ASIC2: variants seen among roughly 807,000 people sequenced by gnomAD.
The protein encoded by ASIC2 is acid-sensing ion channel 2.
A neutral mutation model predicts 57.3 loss-of-function variants in ASIC2; 25 were observed. The ratio of observed to expected loss-of-function variants is 0.44; its 90% CI spans 0.32 to 0.61. ASIC2 has a LOEUF of 0.61. Among genes scored for constraint, ASIC2 ranks in the 20% least tolerant of loss-of-function variants. The pLI is 0.06. For missense variants in ASIC2, 641 were observed against 738.1 expected (o/e 0.87, Z 1.52); for synonymous variants, 319 against 307.5 (o/e 1.04, Z -0.39).
At chr17:34,093,826 C>T (rs1002117294) in intron 1 of ASIC2, among the ~76,000 whole-genome samples, 4 of 152,330 alleles carry the variant, frequency 2.6e-5, no homozygotes, top group Middle Eastern at 3.4e-3. Context: ...GACATCCAGT[C>T]TCTCCCACAT....
chr17:33,754,827 G>A lies in ASIC2; in HGVS notation c.555+401151C>T, dbSNP rs56152921. Among the ~76,000 whole-genome samples, 968 of 151,720 alleles carry A rather than the reference G, an allele frequency of 6.4e-3. 4 individuals carry two copies. The highest frequency in any genetic ancestry group is 0.02 in the Middle Eastern group (6 of 294). On this transcript the variant is annotated intron_variant, in intron 1 of 9. Transcript: ENST00000359872. Reference sequence around the variant, plus strand: ...AAAAAAGTTAGCCAGGCATGGTGGCGGGCACCTGTGGTCCCAGCTACTCAG... The same window carrying A: ...AAAAAAGTTAGCCAGGCATGGTGGCAGGCACCTGTGGTCCCAGCTACTCAG...
intron 1 of ASIC2, among the ~76,000 whole-genome samples, chr17:34,121,529 T>C (rs1029529281): frequency 7.2e-5 from 11 of 152,192 alleles, no homozygotes; most frequent in African/African-American, 1.7e-4. Context: ...CAAGTGTCCC[T>C]GCTACATATT....
At chr17:33,073,174 C>T (rs1448478450) in intron 3 of ASIC2, among the ~76,000 whole-genome samples, 1 of 152,192 alleles carries the variant, frequency 6.6e-6, no homozygotes. Context: ...TACCTGTCAG[C>T]AAGTGGGTTG....
chr17:33,307,184 C>G (rs1324890662), intron 1 of ASIC2, among the ~76,000 whole-genome samples: 2 of 152,118 alleles, frequency 1.3e-5, no homozygotes, highest in Non-Finnish European at 2.9e-5. Flanking sequence ...TGACTTTGAA[C>G]TTGAGGCCTG....
intron 1 of ASIC2, among the ~76,000 whole-genome samples, chr17:33,766,407 G>C (rs1910937838): frequency 6.6e-6 from 1 of 152,202 alleles, no homozygotes; most frequent in Non-Finnish European, 1.5e-5. Flanking sequence ...CACTCTCCAA[G>C]TGGTTTCCTT....
chr17:33,128,090 A>T (rs1354725399), intron 1 of ASIC2, among the ~76,000 whole-genome samples: 1 of 152,126 alleles, frequency 6.6e-6, no homozygotes, highest in Non-Finnish European at 1.5e-5. Context: ...TCTTACTCAT[A>T]CTTCATACTC....
At chr17:33,532,039 C>T (rs1478106060) in intron 1 of ASIC2, among the ~76,000 whole-genome samples, 1 of 152,080 alleles carries the variant, frequency 6.6e-6, no homozygotes, top group Non-Finnish European at 1.5e-5. Context: ...GGCCATCTGT[C>T]CTCCACTTTC....
chr17:33,689,236 A>G (rs994824914), intron 1 of ASIC2: 2 of 152,174 alleles, frequency 1.3e-5, no homozygotes, highest in African/African-American at 4.8e-5. Context: ...ATATTTATTT[A>G]TTGGTTTACC....
At chr17:33,624,434 G>A (rs1049687433) in intron 1 of ASIC2, among the ~76,000 whole-genome samples, 4 of 152,226 alleles carry the variant, frequency 2.6e-5, no homozygotes, top group Non-Finnish European at 4.4e-5. Context: ...GTGCTCAAGC[G>A]AAAGCAGGGA....
intron 2 of ASIC2, among the ~76,000 whole-genome samples, chr17:33,108,424 G>T (rs2092243670): frequency 6.6e-6 from 1 of 152,214 alleles, no homozygotes; most frequent in African/African-American, 2.4e-5. Flanking sequence ...TGGTTTGGCA[G>T]GGCAGGAAGG....
intron 1 of ASIC2, among the ~76,000 whole-genome samples, chr17:33,819,185 C>A (rs1050681830): frequency 2.0e-5 from 3 of 152,208 alleles, no homozygotes; most frequent in African/African-American, 7.2e-5. Flanking sequence ...GAGGCTGGAA[C>A]AGTGCAATGG....
intron 1 of ASIC2, among the ~76,000 whole-genome samples, chr17:33,335,565 G>A (rs937619001): frequency 2.5e-5 from 2 of 78,452 alleles, no homozygotes; most frequent in African/African-American, 3.7e-5. Context: ...AATCTTAGGA[G>A]GTAGAAGGGT....
At chr17:33,652,995 A>T (rs1906970026) in intron 1 of ASIC2, among the ~76,000 whole-genome samples, 1 of 152,226 alleles carries the variant, frequency 6.6e-6, no homozygotes, top group Non-Finnish European at 1.5e-5. Context: ...TTTCCTGGCA[A>T]ATGATCTTGG....
chr17:33,604,115 T>C (rs1905170753), intron 1 of ASIC2, among the ~76,000 whole-genome samples: 1 of 152,170 alleles, frequency 6.6e-6, no homozygotes, highest in Non-Finnish European at 1.5e-5. Context: ...AGCCTGGCCC[T>C]GGAGGCTGTG....
At chr17:33,542,895 C>A (rs189935667) in intron 1 of ASIC2, among the ~76,000 whole-genome samples, 1 of 151,666 alleles carries the variant, frequency 6.6e-6, no homozygotes, top group Non-Finnish European at 1.5e-5. Flanking sequence ...ACGTTTAAAT[C>A]TTTAATCCAT....
chr17:33,955,015 C>T (rs1904690631), intron 1 of ASIC2: 1 of 152,160 alleles, frequency 6.6e-6, no homozygotes, highest in Non-Finnish European at 1.5e-5. Context: ...CTTATACTTG[C>T]TTTATTACAC....
chr17:33,385,833 C>G (rs917196757), intron 1 of ASIC2, among the ~76,000 whole-genome samples: 2 of 152,180 alleles, frequency 1.3e-5, no homozygotes, highest in Non-Finnish European at 2.9e-5. Context: ...AGAGGAATCC[C>G]TGTCTGGAGG....
chr17:33,134,320 C>A (rs1456523768), intron 1 of ASIC2, among the ~76,000 whole-genome samples: 1 of 152,154 alleles, frequency 6.6e-6, no homozygotes, highest in Admixed American at 6.5e-5. Context: ...GCTCTCTGCT[C>A]CCCTGCTGTA....
At chr17:34,005,341 C>T (rs764922755) in intron 1 of ASIC2, 15 of 152,068 alleles carry the variant, frequency 9.9e-5, no homozygotes, top group Non-Finnish European at 1.3e-4. Context: ...TTTCTCGATA[C>T]GTTTCTATTA....
Sources: allele counts gnomAD v4.1 joint callset (sites outside exome capture counted in the v4.1 genomes callset), GRCh38; gene constraint gnomAD v4.1.1; transcripts MANE v1.5; gene names NCBI Gene and HGNC (gene_info 2026-07-23, HGNC 2026-07-21).